Variants in RBM27 observed in about 807,000 individuals in gnomAD.
RBM27 encodes the protein RNA binding motif protein 27.
A neutral mutation model predicts 135.3 loss-of-function variants in RBM27; 22 were observed. That is an observed-to-expected ratio of 0.16 (90% CI 0.12 to 0.23). The LOEUF (loss-of-function observed/expected upper bound fraction) is 0.23, where lower values mean the gene tolerates loss of function less well. Among genes scored for constraint, RBM27 ranks in the 10% least tolerant of loss-of-function variants. The pLI, the probability that RBM27 is intolerant of heterozygous loss-of-function variation, is 1.00. For synonymous variants in RBM27, 481 were observed against 442.4 expected (o/e 1.09, Z -1.10); for missense variants, 1,009 against 1,281.0 (o/e 0.79, Z 3.24).
chr5:146,227,604 C>T (rs549605415), intron 3 of RBM27, among the ~76,000 whole-genome samples: 90 of 152,146 alleles, frequency 5.9e-4, no homozygotes, highest in Non-Finnish European at 3.7e-4. Flanking sequence ...CTGGTAAAGA[C>T]TATATATTCG....
chr5:146,256,845 C>T (rs533093856), intron 10 of RBM27, among the ~76,000 whole-genome samples: 13 of 151,686 alleles, frequency 8.6e-5, no homozygotes, highest in Admixed American at 2.0e-4. Context: ...GTCACTTAAC[C>T]TTTAGTGACT....
intron 3 of RBM27, 52 bp downstream of exon 3, chr5:146,223,579 A>C: frequency 6.4e-7 from 1 of 1,553,174 alleles, no homozygotes; most frequent in Non-Finnish European, 8.7e-7. Flanking sequence ...TCCTGTCACC[A>C]GTATCCTTAG....
At chr5:146,227,121 T>C (rs1291636725) in intron 3 of RBM27, among the ~76,000 whole-genome samples, 6 of 152,218 alleles carry the variant, frequency 3.9e-5, no homozygotes, top group Non-Finnish European at 8.8e-5. Context: ...AATTAGACTG[T>C]TGATCACCAG....
chr5:146,251,167 A>T (rs1476741007), intron 8 of RBM27, among the ~76,000 whole-genome samples: 2 of 151,782 alleles, frequency 1.3e-5, no homozygotes, highest in Non-Finnish European at 2.9e-5. Flanking sequence ...TTTTCTTTGG[A>T]GCATTTTTTA....
intron 8 of RBM27, among the ~76,000 whole-genome samples, chr5:146,249,990 C>T (rs978813362): frequency 3.3e-5 from 5 of 152,122 alleles, no homozygotes; most frequent in Non-Finnish European, 5.9e-5. Flanking sequence ...TTTGTTACTT[C>T]CTCTTTTGCT....
At position 146,237,386 on chromosome 5, in the gene RBM27, A is replaced by C. The variant is rs1757212197; in HGVS notation, c.1233A>C (p.Arg411Ser). The C allele has an allele frequency of 1.2e-6, 2 of 1,614,050 alleles. No individual in the cohort carries two copies. Among genetic ancestry groups the C allele is most frequent in the Non-Finnish European group, 1.7e-6 (2 of 1,179,896 alleles). Reference sequence around the variant, plus strand: ...CCAATCTTGCATCAGTGGGAACAAGACTACCTCCTCCTTTACCCCAGAACC... The same window carrying C: ...CCAATCTTGCATCAGTGGGAACAAGCCTACCTCCTCCTTTACCCCAGAACC... ...AVPNLASVGT[R>S]LPPPLPQNLL... The change falls in exon 8 of 21, where the codon AGA (arginine) becomes AGC (serine). Residue 411 changes from arginine (R) to serine (S), a missense_variant. Physicochemically the swap from Arg to Ser is moderately radical, Grantham distance 110. Transcript: ENST00000265271.
intron 5 of RBM27, 61 bp downstream of exon 5, chr5:146,229,971 G>C (rs1756862650): frequency 6.4e-7 from 1 of 1,574,470 alleles, no homozygotes; most frequent in East Asian, 2.2e-5. Context: ...TATCACAGGG[G>C]TGCAAGAAAT....
chr5:146,217,033 C>T (rs1485980928), intron 1 of RBM27, among the ~76,000 whole-genome samples: 2 of 152,100 alleles, frequency 1.3e-5, no homozygotes, highest in Non-Finnish European at 2.9e-5. Flanking sequence ...GTGGTGCGAT[C>T]TCAGCTCACT....
chr5:146,235,906 G>T (rs1400948600), intron 7 of RBM27, among the ~76,000 whole-genome samples: 3 of 151,990 alleles, frequency 2.0e-5, no homozygotes. Context: ...GCCCAGGCTG[G>T]TCTTGAACTC....
chr5:146,226,673 A>G (rs1581159529), intron 3 of RBM27, among the ~76,000 whole-genome samples: 2 of 151,936 alleles, frequency 1.3e-5, no homozygotes, highest in Non-Finnish European at 2.9e-5. Flanking sequence ...GAGCCACTGC[A>G]CCCAGCCTGT....
Position 146,254,931 on chromosome 5 carries a change from G to A in RBM27, c.1445-12G>A. On this transcript the variant is annotated splice_polypyrimidine_tract_variant and intron_variant, in intron 9 of 20. Transcript: ENST00000265271. The stretch of plus-strand genomic sequence containing the variant: ...GATTTGTTGTGTGTTTTGTTGCTTT[G>A]TTTTCCCTCAGATACATATGAACCA... The A allele has an allele frequency of 6.5e-7, 1 of 1,543,384 alleles. No homozygotes were observed.
chr5:146,220,718 A>T (rs1409376666), intron 2 of RBM27, among the ~76,000 whole-genome samples: 1 of 151,978 alleles, frequency 6.6e-6, no homozygotes, highest in African/African-American at 2.4e-5. Flanking sequence ...TACTGACAGA[A>T]TTTTTTCCCA....
chr5:146,271,778 T>C (rs935747384), intron 19 of RBM27, 104 bp downstream of exon 19: 18 of 1,065,944 alleles, frequency 1.7e-5, no homozygotes, highest in East Asian at 2.6e-5. Flanking sequence ...TTAGAAAAAT[T>C]AGTTGTAAAA....
chr5:146,251,286 G>A (rs1326491794), intron 8 of RBM27, among the ~76,000 whole-genome samples: 1 of 152,116 alleles, frequency 6.6e-6, no homozygotes, highest in African/African-American at 2.4e-5. Flanking sequence ...AATTATGTGG[G>A]TTGGTTGGAG....
chr5:146,253,641 C>G (rs1478706370), intron 9 of RBM27, among the ~76,000 whole-genome samples: 1 of 152,126 alleles, frequency 6.6e-6, no homozygotes, highest in Non-Finnish European at 1.5e-5. Context: ...ATCTCAGAAT[C>G]ACCTGTGCTT....
intron 8 of RBM27, among the ~76,000 whole-genome samples, chr5:146,240,479 A>G (rs1472709940): frequency 6.6e-6 from 1 of 151,872 alleles, no homozygotes; most frequent in Non-Finnish European, 1.5e-5. Context: ...GTCGCCCACC[A>G]CCACACCTGG....
At chr5:146,217,848 T>C (rs1445202264) in intron 1 of RBM27, among the ~76,000 whole-genome samples, 2 of 151,966 alleles carry the variant, frequency 1.3e-5, no homozygotes, top group Non-Finnish European at 2.9e-5. Context: ...AATTTCTGCC[T>C]CCCAGCCTCA....
intron 7 of RBM27, among the ~76,000 whole-genome samples, chr5:146,235,000 C>G (rs1272325365): frequency 6.7e-6 from 1 of 150,116 alleles, no homozygotes; most frequent in African/African-American, 2.5e-5. Flanking sequence ...CCACTCCATT[C>G]TAGCCTGGGT....
chr5:146,250,950 T>C (rs1757858838), intron 8 of RBM27, among the ~76,000 whole-genome samples: 1 of 151,972 alleles, frequency 6.6e-6, no homozygotes, highest in Admixed American at 6.6e-5. Context: ...CTAATTTTTG[T>C]ATTTTTAGTA....
Sources: allele counts gnomAD v4.1 joint callset (sites outside exome capture counted in the v4.1 genomes callset), GRCh38; gene constraint gnomAD v4.1.1; transcripts MANE v1.5; gene names NCBI Gene and HGNC (gene_info 2026-07-23, HGNC 2026-07-21).